Variants in GARIN6 observed in about 807,000 individuals in gnomAD.
GARIN6 encodes the protein Golgi-associated RAB2 interactor protein 6.
the GARIN6 span, among the ~76,000 whole-genome samples, chr12:99,649,090 A>G: frequency 1.3e-5 from 2 of 152,216 alleles, no homozygotes; most frequent in Admixed American, 6.5e-5. Context: ...TGACCAGTCT[A>G]TTCTGAAACA....
the GARIN6 span, chr12:99,648,658 C>A: frequency 6.2e-7 from 1 of 1,614,180 alleles, no homozygotes. Context: ...AAGTGAAGAC[C>A]TTTTTGTTCA....
chr12:99,648,185 G>C, the GARIN6 span: 1 of 1,613,114 alleles, frequency 6.2e-7, no homozygotes, highest in South Asian at 1.1e-5. Context: ...ATGGAGGACT[G>C]CTGTATGCTA....
chr12:99,648,641 C>T, the GARIN6 span: 8 of 1,614,208 alleles, frequency 5.0e-6, no homozygotes, highest in Admixed American at 1.7e-5. Flanking sequence ...TGTCCTCCAT[C>T]GGATGCAAGT....
the GARIN6 span, chr12:99,648,828 T>C: frequency 6.3e-7 from 1 of 1,574,870 alleles, no homozygotes. Flanking sequence ...CTGGATGCTT[T>C]GGGGGAGAGC....
At chr12:99,648,138 A>G in the GARIN6 span, 1 of 1,583,884 alleles carries the variant, frequency 6.3e-7, no homozygotes, top group Non-Finnish European at 8.6e-7. Flanking sequence ...GAAGGTGTGG[A>G]GCAGCTGCTG....
At chr12:99,648,678 C>T in the GARIN6 span, 4 of 1,614,132 alleles carry the variant, frequency 2.5e-6, no homozygotes, top group Non-Finnish European at 3.4e-6. Flanking sequence ...ACTGGGAAAA[C>T]CTTGTTTACA....
chr12:99,648,160 G>C, the GARIN6 span: 2 of 1,574,690 alleles, frequency 1.3e-6, no homozygotes, highest in South Asian at 1.1e-5. Context: ...GAACTGTCTT[G>C]ATTTAAAGGA....
chr12:99,648,610 C>A, the GARIN6 span: 1 of 1,614,174 alleles, frequency 6.2e-7, no homozygotes, highest in Non-Finnish European at 8.5e-7. Context: ...TGCCACGGGC[C>A]GCTCTTTTTA....
At chr12:99,648,262 C>G in the GARIN6 span, 455,528 of 1,613,978 alleles carry the variant, frequency 0.28, 66,525 homozygotes, top group Middle Eastern at 0.3. Context: ...GAAGCTGCAG[C>G]GGCAACTGTA....
chr12:99,648,367 C>T, the GARIN6 span: 2 of 1,614,138 alleles, frequency 1.2e-6, no homozygotes, highest in South Asian at 1.1e-5. Context: ...CGTGCACAAC[C>T]GTGCCCGAAT....
the GARIN6 span, chr12:99,649,565 G>C: frequency 1.7e-6 from 1 of 585,298 alleles, no homozygotes. Flanking sequence ...GCAGACTCAG[G>C]AGAGAAACAC....
chr12:99,647,998 T>G, the GARIN6 span: 4 of 795,818 alleles, frequency 5.0e-6, no homozygotes, highest in African/African-American at 1.7e-5. Flanking sequence ...CATTGAGCGG[T>G]TGGTAATCAA....
At chr12:99,648,488 A>G in the GARIN6 span, 1 of 1,614,148 alleles carries the variant, frequency 6.2e-7, no homozygotes, top group Admixed American at 1.7e-5. Context: ...CCTGCCACCC[A>G]GAAAAGAGAA....
At chr12:99,649,514 G>T in the GARIN6 span, 1 of 766,154 alleles carries the variant, frequency 1.3e-6, no homozygotes, top group Non-Finnish European at 2.2e-6. Context: ...ATGACAGTAA[G>T]CACCACCACA....
At chr12:99,648,519 A>G in the GARIN6 span, 8 of 1,614,070 alleles carry the variant, frequency 5.0e-6, no homozygotes, top group South Asian at 1.1e-5. Context: ...CAGAGATCTT[A>G]GAACTAACCA....
At chr12:99,648,807 C>T in the GARIN6 span, 1 of 1,596,954 alleles carries the variant, frequency 6.3e-7, no homozygotes, top group Non-Finnish European at 8.5e-7. Flanking sequence ...TATGCAGAGA[C>T]TAGATGGGGC....
the GARIN6 span, chr12:99,649,444 C>A: frequency 1.4e-6 from 2 of 1,476,596 alleles, no homozygotes; most frequent in South Asian, 1.1e-5. Flanking sequence ...GTTCACACAC[C>A]CCTGCAGTCA....
the GARIN6 span, chr12:99,648,318 C>A: frequency 1.2e-6 from 2 of 1,614,122 alleles, no homozygotes; most frequent in South Asian, 1.1e-5. Flanking sequence ...TGTTTGAGAG[C>A]GACTTTATCC....
At chr12:99,648,169 G>A in the GARIN6 span, 5 of 1,604,314 alleles carry the variant, frequency 3.1e-6, no homozygotes, top group Non-Finnish European at 4.3e-6. Context: ...TGATTTAAAG[G>A]AAGACATGGA....
Sources: gnomAD v4.1 joint callset for allele counts (sites outside exome capture counted in the v4.1 genomes callset) on GRCh38, gnomAD v4.1.1 for gene constraint, MANE v1.5 for transcripts, NCBI Gene and HGNC (gene_info 2026-07-23, HGNC 2026-07-21) for gene names.